Variants in AKT3 observed in about 807,000 individuals in gnomAD.
AKT3 encodes RAC-gamma serine/threonine-protein kinase.
In AKT3, 15 loss-of-function variants were observed where a neutral mutation model predicts 65.3. That is an observed-to-expected ratio of 0.23 (90% CI 0.15 to 0.35). The LOEUF is 0.35. Ranked by LOEUF, AKT3 falls within the 10% of genes least tolerant of loss-of-function variation. The pLI is 1.00. For synonymous variants in AKT3, 206 were observed against 183.8 expected (o/e 1.12, Z -0.98); for missense variants, 243 against 576.5 (o/e 0.42, Z 5.92).
At chr1:243,802,165 T>G (rs1478020584) in intron 2 of AKT3, among the ~76,000 whole-genome samples, 1 of 152,186 alleles carries the variant, frequency 6.6e-6, no homozygotes, top group African/African-American at 2.4e-5. Context: ...TTTTCCTTTT[T>G]GTAAGTTTGT....
downstream of AKT3, among the ~76,000 whole-genome samples, chr1:243,496,522 C>T (rs913413276): frequency 5.3e-5 from 8 of 152,198 alleles, no homozygotes; most frequent in African/African-American, 1.4e-4. Flanking sequence ...ACAGAGACAG[C>T]GTGCCAGTGA....
rs1426697031 is a variant in AKT3 at position 243,770,710 on chromosome 1, T to C, written c.46+72415A>G. On this transcript the variant is annotated intron_variant, in intron 2 of 13. Transcript: ENST00000673466. The stretch of plus-strand genomic sequence containing the variant: ...TTTGAGAGATACCTAGTCACACTTT[T>C]AAGCCTGGAGATTATTCTAAATAGA... Among the ~76,000 whole-genome samples, 5 of 149,292 alleles carry C rather than the reference T, an allele frequency of 3.3e-5. No individual in the cohort carries two copies. The Admixed American group carries it at 3.4e-4, about 10-fold the overall frequency.
chr1:243,622,517 G>A (rs562735725), intron 6 of AKT3, among the ~76,000 whole-genome samples: 10 of 152,142 alleles, frequency 6.6e-5, no homozygotes, highest in South Asian at 6.2e-4. Context: ...AGTTTTATTC[G>A]TTCAAATGGT....
At chr1:243,768,559 C>T (rs1429065654) in intron 2 of AKT3, among the ~76,000 whole-genome samples, 3 of 152,162 alleles carry the variant, frequency 2.0e-5, no homozygotes, top group East Asian at 1.9e-4. Flanking sequence ...AGATATAGGC[C>T]GGGCGTGGTG....
intron 9 of AKT3, among the ~76,000 whole-genome samples, chr1:243,565,289 T>G (rs1260494934): frequency 6.6e-6 from 1 of 152,198 alleles, no homozygotes; most frequent in Non-Finnish European, 1.5e-5. Flanking sequence ...TGGAGTGCAG[T>G]GGTGCAATCA....
intron 8 of AKT3, among the ~76,000 whole-genome samples, chr1:243,596,739 A>C (rs1361331470): frequency 6.6e-6 from 1 of 152,232 alleles, no homozygotes; most frequent in Non-Finnish European, 1.5e-5. Context: ...TAAAGAGAAA[A>C]GAAACAGGCC....
chr1:243,560,838 T>C (rs1385760094), intron 10 of AKT3, among the ~76,000 whole-genome samples: 1 of 152,098 alleles, frequency 6.6e-6, no homozygotes, highest in African/African-American at 2.4e-5. Flanking sequence ...ATGAGATGTA[T>C]TCATCTTCTT....
At chr1:243,735,555 T>C (rs1687794151) in intron 2 of AKT3, 1 of 152,210 alleles carries the variant, frequency 6.6e-6, no homozygotes, top group Non-Finnish European at 1.5e-5. Context: ...TTTCGTTGCG[T>C]TTCCTCTCAT....
intron 10 of AKT3, among the ~76,000 whole-genome samples, chr1:243,561,549 C>T (rs1391627759): frequency 6.6e-6 from 1 of 152,110 alleles, no homozygotes; most frequent in East Asian, 1.9e-4. Context: ...TAAAAAATTG[C>T]ATTTGCTATC....
At chr1:243,681,764 T>A (rs1683935423) in intron 3 of AKT3, among the ~76,000 whole-genome samples, 1 of 152,154 alleles carries the variant, frequency 6.6e-6, no homozygotes, top group Admixed American at 6.6e-5. Context: ...ACGTACTTGC[T>A]TTGAGGTTCT....
chr1:243,794,316 A>T (rs1444828445), intron 2 of AKT3: 1 of 152,238 alleles, frequency 6.6e-6, no homozygotes, highest in African/African-American at 2.4e-5. Flanking sequence ...GATTACAGGC[A>T]TAAGCCACTG....
intron 6 of AKT3, among the ~76,000 whole-genome samples, chr1:243,628,659 T>C (rs189635025): frequency 6.6e-5 from 10 of 152,300 alleles, no homozygotes; most frequent in African/African-American, 1.9e-4. Context: ...CCAGATCCTA[T>C]TGCCACATCC....
rs1690765116 is a variant in AKT3, at chr1:243,779,376, T to TGA, written c.46+63748_46+63749insTC. On this transcript the variant is annotated intron_variant, in intron 2 of 13. Transcript: ENST00000673466. ...GCAATACCTGAGCAGTGACAATGCCTGGTTTTCCAGAGCAAAAAGAGAATC... is the reference window on the plus strand; with the variant it reads ...GCAATACCTGAGCAGTGACAATGCCTGAGGTTTTCCAGAGCAAAAAGAGAATC... Among the ~76,000 whole-genome samples, 2 of 152,062 alleles carry TGA rather than the reference T, an allele frequency of 1.3e-5. 1 individual carries two copies. Among genetic ancestry groups the TGA allele is most frequent in the South Asian group, 4.1e-4 (2 of 4,822 alleles).
intron 2 of AKT3, among the ~76,000 whole-genome samples, chr1:243,801,391 C>G (rs1164599057): frequency 6.6e-6 from 1 of 152,296 alleles, no homozygotes; most frequent in South Asian, 2.1e-4. Context: ...ATAATTCCAT[C>G]AACCCATGTA....
chr1:243,644,039 G>T (rs1680630238), intron 5 of AKT3, among the ~76,000 whole-genome samples: 1 of 152,066 alleles, frequency 6.6e-6, no homozygotes, highest in Admixed American at 6.6e-5. Context: ...CAGTAATTTA[G>T]AACTATTTTA....
At chr1:243,724,406 A>T (rs1687090587) in intron 2 of AKT3, among the ~76,000 whole-genome samples, 1 of 152,226 alleles carries the variant, frequency 6.6e-6, no homozygotes, top group South Asian at 2.1e-4. Flanking sequence ...TGAGCAAATC[A>T]GTAATCAAGA....
At chr1:243,577,179 C>T (rs1013745830) in intron 8 of AKT3, among the ~76,000 whole-genome samples, 3 of 152,194 alleles carry the variant, frequency 2.0e-5, no homozygotes, top group Non-Finnish European at 2.9e-5. Context: ...CAGAGTCTCA[C>T]TCTGTCACCC....
At chr1:243,627,122 T>A (rs770149838) in intron 6 of AKT3, among the ~76,000 whole-genome samples, 3 of 152,200 alleles carry the variant, frequency 2.0e-5, no homozygotes, top group Non-Finnish European at 4.4e-5. Flanking sequence ...TAATCAAGAC[T>A]TGAATAATAT....
intron 8 of AKT3, among the ~76,000 whole-genome samples, chr1:243,589,892 A>G (rs1571989362): frequency 6.6e-6 from 1 of 152,336 alleles, no homozygotes; most frequent in East Asian, 1.9e-4. Flanking sequence ...TGGTATATTT[A>G]TACAATGGAA....
Sources: allele counts gnomAD v4.1 joint callset (sites outside exome capture counted in the v4.1 genomes callset), GRCh38; gene constraint gnomAD v4.1.1; transcripts MANE v1.5; gene names NCBI Gene and HGNC (gene_info 2026-07-23, HGNC 2026-07-21).